SIPA1L1: variants seen among roughly 807,000 people sequenced by gnomAD.
SIPA1L1 encodes signal-induced proliferation-associated 1-like protein 1.
In SIPA1L1, 26 loss-of-function variants were observed where a neutral mutation model predicts 162.7. The observed-to-expected ratio is 0.16, with a 90% confidence interval of 0.12 to 0.22. SIPA1L1 has a LOEUF of 0.22. SIPA1L1 is among the 10% of genes least tolerant of loss of function. The pLI, the probability that SIPA1L1 is intolerant of heterozygous loss-of-function variation, is 1.00. For missense variants in SIPA1L1, 1,874 were observed against 2,241.0 expected (o/e 0.84, Z 3.31); for synonymous variants, 829 against 837.4 (o/e 0.99, Z 0.17).
At chr14:71,359,410 T>G (rs1232375088) in intron 2 of SIPA1L1, among the ~76,000 whole-genome samples, 3 of 152,236 alleles carry the variant, frequency 2.0e-5, no homozygotes, top group African/African-American at 7.2e-5. Context: ...GAGAACAGAC[T>G]AATACACCTT....
At chr14:71,556,468 C>A (rs927949854) in intron 4 of SIPA1L1, among the ~76,000 whole-genome samples, 4 of 152,240 alleles carry the variant, frequency 2.6e-5, no homozygotes, top group Non-Finnish European at 4.4e-5. Flanking sequence ...CTTTGGACAT[C>A]ATTGGTAAAT....
intron 2 of SIPA1L1, among the ~76,000 whole-genome samples, chr14:71,415,707 T>A (rs1316210060): frequency 3.9e-5 from 6 of 152,198 alleles, no homozygotes; most frequent in African/African-American, 1.2e-4. Context: ...TAATTATTTT[T>A]TTTTTTTTGA....
At chr14:71,728,433 A>T (rs944097064) in intron 19 of SIPA1L1, among the ~76,000 whole-genome samples, 1 of 152,174 alleles carries the variant, frequency 6.6e-6, no homozygotes, top group African/African-American at 2.4e-5. Flanking sequence ...TTCATCAGGA[A>T]TTTTTTTAAA....
chr14:71,539,463 T>G (rs1403466338), intron 4 of SIPA1L1, among the ~76,000 whole-genome samples: 1 of 152,218 alleles, frequency 6.6e-6, no homozygotes, highest in Non-Finnish European at 1.5e-5. Flanking sequence ...ATGACATATA[T>G]TGCATTAAAA....
chr14:71,587,876 A>G lies in SIPA1L1; in HGVS notation c.4A>G (p.Thr2Ala). Residue 2 changes from threonine (T) to alanine (A), a missense_variant, in exon 5 of 24, where the codon ACC becomes GCC. By Grantham distance (58) the Thr-to-Ala change is moderately conservative. Coordinates refer to ENST00000381232, the MANE Select transcript of SIPA1L1 (RefSeq NM_001386936.1). M[T>A]SLKRSQTERP... ...TAAGTCTACTTGCTTTTACATCATG[A>G]CCAGCTTGAAACGGTCACAGACAGA... The G allele has an allele frequency of 1.9e-6, 3 of 1,601,010 alleles. No individual in the cohort carries two copies. Among genetic ancestry groups the G allele is most frequent in the Non-Finnish European group, 2.6e-6 (3 of 1,169,046 alleles).
chr14:71,557,461 C>T (rs1156544365), intron 4 of SIPA1L1, among the ~76,000 whole-genome samples: 3 of 152,156 alleles, frequency 2.0e-5, no homozygotes, highest in East Asian at 1.9e-4. Context: ...TGCTGCTGAT[C>T]ATGGTTACTA....
chr14:71,715,465 C>A (rs1338301965), intron 17 of SIPA1L1, among the ~76,000 whole-genome samples: 2 of 152,220 alleles, frequency 1.3e-5, no homozygotes, highest in Non-Finnish European at 2.9e-5. Flanking sequence ...TCAGATTCTA[C>A]ACAATAGACA....
chr14:71,460,888 A>T (rs2046550704), intron 2 of SIPA1L1, among the ~76,000 whole-genome samples: 1 of 152,220 alleles, frequency 6.6e-6, no homozygotes, highest in Non-Finnish European at 1.5e-5. Flanking sequence ...TTGGCATTGT[A>T]ATTGTGACTT....
intron 16 of SIPA1L1, among the ~76,000 whole-genome samples, chr14:71,707,006 G>A (rs1382338152): frequency 1.3e-5 from 2 of 148,838 alleles, no homozygotes; most frequent in Non-Finnish European, 3.0e-5. Context: ...CTGCACGCCA[G>A]CCTGGGTGAC....
intron 2 of SIPA1L1, among the ~76,000 whole-genome samples, chr14:71,477,431 C>T (rs2047964746): frequency 6.6e-6 from 1 of 151,830 alleles, no homozygotes; most frequent in Admixed American, 6.6e-5. Flanking sequence ...GGCTGGTCTC[C>T]GATAGTGTTC....
chr14:71,334,753 A>C (rs1015346347), intron 2 of SIPA1L1, among the ~76,000 whole-genome samples: 3 of 152,206 alleles, frequency 2.0e-5, no homozygotes, highest in Admixed American at 6.5e-5. Flanking sequence ...CTTGATTCAG[A>C]AAACTTATAT....
chr14:71,690,503 C>T (rs1318734217), intron 13 of SIPA1L1, among the ~76,000 whole-genome samples: 1 of 152,160 alleles, frequency 6.6e-6, no homozygotes, highest in Non-Finnish European at 1.5e-5. Context: ...CCTCCTCAGC[C>T]TCCCAAAGTG....
chr14:71,552,537 G>C (rs1367009678), intron 4 of SIPA1L1, among the ~76,000 whole-genome samples: 3 of 151,594 alleles, frequency 2.0e-5, no homozygotes, highest in Non-Finnish European at 4.4e-5. Flanking sequence ...GACTACAGGC[G>C]CCCGCCACCA....
chr14:71,621,926 C>T (rs1029733704), intron 6 of SIPA1L1, among the ~76,000 whole-genome samples: 17 of 151,934 alleles, frequency 1.1e-4, no homozygotes, highest in African/African-American at 4.1e-4. Flanking sequence ...ATAAATAATC[C>T]ATAAATTTGA....
chr14:71,410,760 G>C (rs71427111), intron 2 of SIPA1L1, among the ~76,000 whole-genome samples: 1 of 152,110 alleles, frequency 6.6e-6, no homozygotes, highest in East Asian at 1.9e-4. Context: ...GAGTCAGGGT[G>C]GGGGGTAAGG....
Position 71,709,580 on chromosome 14 carries a change from T to C in SIPA1L1, c.4124T>C (p.Ile1375Thr). ...ACAGAGTCTTCCCTGAGCTTAGACA[T>C]ACACAGCAAGAGCCAAGCCGGCTCG... Reference protein sequence around the residue: ...RKTESSLSLDIHSKSQAGSTP... With the variant: ...RKTESSLSLDTHSKSQAGSTP... The change falls in exon 17 of 24, where the codon ATA (isoleucine) becomes ACA (threonine). Residue 1375 changes from isoleucine (I) to threonine (T), a missense_variant. Around this residue, in one of 5 missense-constraint regions of SIPA1L1, gnomAD observed 936 missense variants for 1,051.9 expected, o/e 0.89. Transcript: ENST00000381232. 1.2e-6 allele frequency: 2 copies of C among 1,614,140 alleles called. No individual in the cohort carries two copies. The highest frequency in any genetic ancestry group is 1.1e-5 in the South Asian group (1 of 91,084).
intron 5 of SIPA1L1, among the ~76,000 whole-genome samples, chr14:71,603,514 A>C (rs1483558241): frequency 6.6e-6 from 1 of 152,002 alleles, no homozygotes; most frequent in East Asian, 1.9e-4. Flanking sequence ...GCCAGAGTAC[A>C]GTGGTGTGAT....
intron 5 of SIPA1L1, among the ~76,000 whole-genome samples, chr14:71,609,756 C>T (rs543347551): frequency 1.3e-5 from 2 of 152,104 alleles, no homozygotes; most frequent in South Asian, 2.1e-4. Context: ...CATGAGCCAC[C>T]GCGCCTGGCC....
intron 12 of SIPA1L1, among the ~76,000 whole-genome samples, chr14:71,684,777 A>G (rs1354425780): frequency 6.6e-6 from 1 of 151,026 alleles, no homozygotes; most frequent in Non-Finnish European, 1.5e-5. Flanking sequence ...AACTGCTTAT[A>G]CACCCTTTCA....
Sources: gnomAD v4.1 joint callset for allele counts (sites outside exome capture counted in the v4.1 genomes callset) on GRCh38, gnomAD v4.1.1 for gene constraint, gnomAD v4.1.1 regional missense constraint, MANE v1.5 for transcripts, NCBI Gene and HGNC (gene_info 2026-07-23, HGNC 2026-07-21) for gene names.